The following C12orf75 variants were observed in gnomAD, a reference collection of about 807,000 sequenced individuals.
C12orf75 encodes the protein overexpressed in colon carcinoma 1 protein.
In C12orf75, 4 loss-of-function variants were observed where a neutral mutation model predicts 11.4. The ratio of observed to expected loss-of-function variants is 0.35; its 90% CI spans 0.17 to 0.80. C12orf75 has a LOEUF of 0.80. Among genes scored for constraint, C12orf75 ranks in the 30% least tolerant of loss-of-function variants. C12orf75 has a pLI of 0.52. For missense variants in C12orf75, 89 were observed against 80.4 expected (o/e 1.11, Z -0.41); for synonymous variants, 30 against 30.0 (o/e 1.00, Z 0.00).
intron 2 of C12orf75, 112 bp downstream of exon 2, chr12:105,348,738 CT>C (rs1892673355): frequency 1.5e-6 from 1 of 650,114 alleles, no homozygotes; most frequent in Non-Finnish European, 2.6e-6. Context: ...CATGGAAATA[CT>C]TTGTGTATAA....
chr12:105,361,311 G>T (rs974406408), intron 2 of C12orf75, among the ~76,000 whole-genome samples: 13 of 152,164 alleles, frequency 8.5e-5, no homozygotes, highest in Non-Finnish European at 1.8e-4. Context: ...GGGGGAAAAA[G>T]GTATGTTGAT....
chr12:105,356,375 C>T (rs772947653), intron 2 of C12orf75, among the ~76,000 whole-genome samples: 16 of 144,860 alleles, frequency 1.1e-4, no homozygotes, highest in African/African-American at 3.3e-4. Context: ...TTACTGTTTA[C>T]GAGTCAAAGT....
intron 1 of C12orf75, among the ~76,000 whole-genome samples, chr12:105,342,847 G>A (rs12312486): frequency 0.23 from 35,299 of 152,140 alleles, 4,161 homozygotes; most frequent in Non-Finnish European, 0.27. Context: ...TGCAATATCA[G>A]ATTAAGTTTT....
intron 2 of C12orf75, among the ~76,000 whole-genome samples, chr12:105,350,907 A>T (rs1214386104): frequency 1.3e-5 from 2 of 152,170 alleles, no homozygotes; most frequent in Non-Finnish European, 2.9e-5. Flanking sequence ...CCATTTAACT[A>T]CTTAACTATT....
In C12orf75 at chr12:105,362,384, C is replaced by CAAAA. The variant is rs35725967; in HGVS notation, c.72-3401_72-3398dup. 5.1e-3 allele frequency among the ~76,000 whole-genome samples: 95 copies of CAAAA among 18,720 alleles called. 3 individuals carry two copies. The highest frequency in any genetic ancestry group is 0.011 in the South Asian group (3 of 284). The allele number at this position is 18,720 out of a possible 152,430, so 12.3% of individuals were successfully genotyped here. ...TGGGCGACAGAGCGAGACTCCGTCT[C>CAAAA]AAAAAAAAAAAAAAAAAAAAAAAAA... On this transcript the variant is annotated intron_variant, in intron 2 of 5. Coordinates refer to ENST00000443585, the MANE Select transcript of C12orf75 (RefSeq NM_001145199.2).
At chr12:105,344,779 G>GTCCACATTA (rs1461017959) in intron 1 of C12orf75, among the ~76,000 whole-genome samples, 2 of 151,184 alleles carry the variant, frequency 1.3e-5, no homozygotes, top group African/African-American at 4.9e-5. Context: ...AGGACTCATG[G>GTCCACATTA]TCCACATTAT....
chr12:105,362,903 T>C (rs536431589), intron 2 of C12orf75, among the ~76,000 whole-genome samples: 38 of 152,246 alleles, frequency 2.5e-4, no homozygotes, highest in Non-Finnish European at 4.8e-4. Context: ...AATGAACTAA[T>C]ATAATAGGAT....
intron 2 of C12orf75, among the ~76,000 whole-genome samples, chr12:105,349,371 A>G (rs1660614286): frequency 6.6e-6 from 1 of 152,216 alleles, no homozygotes; most frequent in Non-Finnish European, 1.5e-5. Flanking sequence ...TATTGCTCAC[A>G]TGAGGCTTTC....
intron 5 of C12orf75, among the ~76,000 whole-genome samples, chr12:105,368,092 G>T (rs1317748214): frequency 1.3e-5 from 2 of 150,342 alleles, no homozygotes; most frequent in Non-Finnish European, 2.9e-5. Context: ...TATGGACATG[G>T]CAAAGAGCTA....
In C12orf75 at chr12:105,330,700, C is replaced by G. The variant is rs919200516; in HGVS notation, c.-192C>G. 7.5e-6 allele frequency: 3 copies of G among 399,434 alleles called. No individual in the cohort carries two copies. Among genetic ancestry groups the G allele is most frequent in the Non-Finnish European group, 1.1e-5 (3 of 263,940 alleles). 24.7% of individuals were successfully genotyped at this position (399,434 alleles called of 1,614,324 possible). ...GCGAGGGGTGCCGGGTGGTTTCCGC[C>G]CGGCAGCCCGCAGCCCGCTGCGCCC... On this transcript the variant is annotated 5_prime_UTR_variant, in exon 1 of 6. Transcript: ENST00000443585.
At chr12:105,348,738 C>A in intron 2 of C12orf75, 112 bp downstream of exon 2, 1 of 650,114 alleles carries the variant, frequency 1.5e-6, no homozygotes, top group Non-Finnish European at 2.6e-6. Context: ...CATGGAAATA[C>A]TTTGTGTATA....
At chr12:105,350,130 G>A (rs1892692385) in intron 2 of C12orf75, among the ~76,000 whole-genome samples, 1 of 152,104 alleles carries the variant, frequency 6.6e-6, no homozygotes, top group Admixed American at 6.5e-5. Context: ...CAATATTTTG[G>A]TTTCTCCTTC....
At chr12:105,338,306 C>T (rs1303033642) in intron 1 of C12orf75, among the ~76,000 whole-genome samples, 1 of 152,140 alleles carries the variant, frequency 6.6e-6, no homozygotes, top group African/African-American at 2.4e-5. Context: ...TCCCGAGTAG[C>T]TGGGATTACA....
chr12:105,336,183 T>G (rs1566135327), intron 1 of C12orf75, among the ~76,000 whole-genome samples: 1 of 152,218 alleles, frequency 6.6e-6, no homozygotes, highest in Non-Finnish European at 1.5e-5. Context: ...CTAGCCTGAT[T>G]GGATGTAGTC....
intron 2 of C12orf75, among the ~76,000 whole-genome samples, chr12:105,351,568 G>C (rs997895538): frequency 6.6e-6 from 1 of 152,170 alleles, no homozygotes; most frequent in Non-Finnish European, 1.5e-5. Context: ...ATACAGTGTG[G>C]TAAGTGCTAA....
chr12:105,335,912 G>A (rs528601765), intron 1 of C12orf75, among the ~76,000 whole-genome samples: 1 of 152,374 alleles, frequency 6.6e-6, no homozygotes, highest in Non-Finnish European at 1.5e-5. Flanking sequence ...TCAAAATGAA[G>A]TCCTAAGTTG....
chr12:105,371,135 T>C lies in C12orf75; in HGVS notation c.*535T>C, dbSNP rs1871614460. 6.5e-6 allele frequency: 1 copy of C among 153,978 alleles called. No individual in the cohort carries two copies. The highest frequency in any genetic ancestry group is 1.4e-5 in the Non-Finnish European group (1 of 69,088). The allele number at this position is 153,978 out of a possible 1,614,324, so 9.5% of individuals were successfully genotyped here. A position where few individuals can be genotyped will look rare whatever the true frequency, so the allele number is the denominator to read the frequency against. The stretch of plus-strand genomic sequence containing the variant: ...ATTGGTAAATGGATTCTTACAACTA[T>C]CTCTTTCCATTTCTTACTATTTGGT... On this transcript the variant is annotated 3_prime_UTR_variant, in exon 6 of 6. Coordinates refer to ENST00000443585, the MANE Select transcript of C12orf75 (RefSeq NM_001145199.2).
At chr12:105,356,275 A>G (rs1892779280) in intron 2 of C12orf75, among the ~76,000 whole-genome samples, 1 of 151,194 alleles carries the variant, frequency 6.6e-6, no homozygotes, top group South Asian at 2.1e-4. Flanking sequence ...AACACAATCA[A>G]TTAATAAACC....
At chr12:105,369,368 C>T (rs1021744667) in intron 5 of C12orf75, among the ~76,000 whole-genome samples, 1 of 152,142 alleles carries the variant, frequency 6.6e-6, no homozygotes, top group Non-Finnish European at 1.5e-5. Flanking sequence ...TTGCACCCCT[C>T]TCTCTCCTCA....
Sources: allele counts gnomAD v4.1 joint callset (sites outside exome capture counted in the v4.1 genomes callset), GRCh38; gene constraint gnomAD v4.1.1; transcripts MANE v1.5; gene names NCBI Gene and HGNC (gene_info 2026-07-23, HGNC 2026-07-21).